Variants in ANKRD36 observed in about 807,000 individuals in gnomAD.
ANKRD36 encodes the protein ankyrin repeat domain 36, also known as ankyrin repeat domain-containing protein 36A.
A neutral mutation model predicts 278.1 loss-of-function variants in ANKRD36; 179 were observed. The ratio of observed to expected loss-of-function variants is 0.64; its 90% CI spans 0.57 to 0.73. The LOEUF (loss-of-function observed/expected upper bound fraction) is 0.73, where lower values mean the gene tolerates loss of function less well. ANKRD36 is among the 30% of genes least tolerant of loss of function. The probability of loss-of-function intolerance (pLI) is 0.00; values close to 1 mark genes in which losing one functional copy is unlikely to be tolerated. For missense variants in ANKRD36, 1,159 were observed against 1,956.7 expected, an observed-to-expected ratio of 0.59 and a Z score of 7.69; for synonymous variants, 320 against 641.1, an observed-to-expected ratio of 0.50 and a Z score of 7.57.
intron 12 of ANKRD36, among the ~76,000 whole-genome samples, chr2:97,150,874 T>G (rs2045761117): frequency 3.5e-5 from 1 of 28,600 alleles, no homozygotes; most frequent in East Asian, 1.2e-3. Context: ...ATTTTATTGT[T>G]TTTTTTTTTT....
chr2:97,180,025 C>A, intron 24 of ANKRD36, 92 bp downstream of exon 24: 1 of 1,562,490 alleles, frequency 6.4e-7, no homozygotes. Context: ...TCCATCTAAG[C>A]TGCACGTTCT....
At position 97,192,888 on chromosome 2, in the gene ANKRD36, TA is replaced by T. The variant is rs771233348; in HGVS notation, c.2376+4del. ...TCTCAGAAACCACCAGCCTTGACGG[TA>T]ATGAAACACTCATTTATATTGTGAA... is the stretch of plus-strand genomic sequence containing the variant. On this transcript the variant is annotated splice_donor_region_variant and intron_variant, in intron 37 of 75. Coordinates refer to ENST00000420699, the MANE Select transcript of ANKRD36 (RefSeq NM_001354587.1). 3 of 1,603,924 alleles carry T rather than the reference TA, an allele frequency of 1.9e-6. No individual in the cohort carries two copies. The highest frequency in any genetic ancestry group is 1.7e-5 in the Admixed American group (1 of 59,582).
Position 97,152,557 on chromosome 2 carries a change from A to C in ANKRD36, c.1193+23A>C, listed in dbSNP as rs1229319726. 6 of 1,464,318 alleles carry C rather than the reference A, an allele frequency of 4.1e-6. 1 individual carries two copies. Among genetic ancestry groups the C allele is most frequent in the Middle Eastern group, 1.7e-4 (1 of 5,944 alleles). The allele number at this position is 1,464,318 out of a possible 1,614,324, so 90.7% of individuals were successfully genotyped here. A position where few individuals can be genotyped will look rare whatever the true frequency, so the allele number is the denominator to read the frequency against. ...CAGGTATGATTTCAGAGATTTTTTA[A>C]AGTGATATGTTAACTAAGTGAATAG... On this transcript the variant is annotated intron_variant, in intron 14 of 75. Transcript: ENST00000420699.
intron 67 of ANKRD36, among the ~76,000 whole-genome samples, chr2:97,230,920 C>T (rs1334190284): frequency 7.2e-5 from 11 of 152,208 alleles, no homozygotes; most frequent in Admixed American, 7.2e-4. Flanking sequence ...ACCCTGTCTG[C>T]CTGGGTATCA....
intron 14 of ANKRD36, among the ~76,000 whole-genome samples, chr2:97,153,717 C>A (rs1255403785): frequency 6.8e-6 from 1 of 147,454 alleles, no homozygotes; most frequent in African/African-American, 2.4e-5. Flanking sequence ...ATTGAATGAG[C>A]TGTTGAACCC....
intron 24 of ANKRD36, among the ~76,000 whole-genome samples, chr2:97,180,905 A>G (rs1483704541): frequency 6.6e-6 from 1 of 151,648 alleles, no homozygotes; most frequent in Non-Finnish European, 1.5e-5. Flanking sequence ...GTATGTTAAC[A>G]TTGGTAATTG....
intron 5 of ANKRD36, among the ~76,000 whole-genome samples, chr2:97,125,595 C>T (rs1460069718): frequency 6.6e-6 from 1 of 150,932 alleles, no homozygotes; most frequent in Non-Finnish European, 1.5e-5. Context: ...GATCTGTACC[C>T]TGAGACTTTT....
chr2:97,190,341 C>T lies in ANKRD36; in HGVS notation c.2246-637C>T, dbSNP rs1360071977. ...TGCCACGACTGGATGAAGAAACTTT[C>T]GGAGGGATAAACTAGTGGATACAAG... On this transcript the variant is annotated intron_variant, in intron 34 of 75. Transcript: ENST00000420699. Among the ~76,000 whole-genome samples the T allele has an allele frequency of 1.7e-4, 15 of 88,998 alleles. 4 individuals carry two copies. Among genetic ancestry groups the T allele is most frequent in the African/African-American group, 2.9e-4 (11 of 38,432 alleles). The allele number at this position is 88,998 out of a possible 152,430, so 58.4% of individuals were successfully genotyped here. A position where few individuals can be genotyped will look rare whatever the true frequency, so the allele number is the denominator to read the frequency against.
chr2:97,208,413 G>C (rs1207829479), intron 54 of ANKRD36, among the ~76,000 whole-genome samples: 2 of 146,380 alleles, frequency 1.4e-5, no homozygotes, highest in Non-Finnish European at 3.0e-5. Flanking sequence ...GACACTGTGG[G>C]AGAACTAAGG....
At chr2:97,207,677 A>T in intron 52 of ANKRD36, 134 bp from the exon 53 acceptor site, 8 of 1,398,410 alleles carry the variant, frequency 5.7e-6, no homozygotes, top group Non-Finnish European at 7.9e-6. Context: ...TAGTCCCCAG[A>T]CACAAAGTAG....
chr2:97,178,645 A>G (rs900982536), intron 22 of ANKRD36, among the ~76,000 whole-genome samples: 2 of 132,134 alleles, frequency 1.5e-5, no homozygotes, highest in African/African-American at 5.6e-5. Flanking sequence ...ACATGGACAC[A>G]GGAAGGGGAA....
In ANKRD36 at chr2:97,152,169, T is replaced by A. The variant is rs1189684777; in HGVS notation, c.1162+230T>A. ...CACCACACCTGGCTAATTTTTGTATTTTTAGTGGATTTGGAGTTTCACCAT... is the reference window on the plus strand; with the variant it reads ...CACCACACCTGGCTAATTTTTGTATATTTAGTGGATTTGGAGTTTCACCAT... On this transcript the variant is annotated intron_variant, in intron 13 of 75. Transcript: ENST00000420699. Among the ~76,000 whole-genome samples the A allele has an allele frequency of 2.7e-5, 4 of 146,992 alleles. 1 individual carries two copies. The highest frequency in any genetic ancestry group is 6.2e-5 in the Non-Finnish European group (4 of 64,940).
intron 22 of ANKRD36, among the ~76,000 whole-genome samples, chr2:97,178,399 T>G (rs942503742): frequency 6.6e-6 from 1 of 151,944 alleles, no homozygotes; most frequent in South Asian, 2.1e-4. Context: ...TACGGCATTA[T>G]TCACAATAGC....
At chr2:97,137,249 C>T (rs1233324200) in intron 6 of ANKRD36, among the ~76,000 whole-genome samples, 2 of 151,866 alleles carry the variant, frequency 1.3e-5, no homozygotes, top group African/African-American at 4.8e-5. Flanking sequence ...TGGGTTCAAG[C>T]GATTCTCCTG....
At chr2:97,179,459 C>G (rs2055459357) in intron 22 of ANKRD36, among the ~76,000 whole-genome samples, 1 of 151,638 alleles carries the variant, frequency 6.6e-6, no homozygotes, top group East Asian at 1.9e-4. Flanking sequence ...AGCATATCCA[C>G]ATTGATATTG....
At chr2:97,218,559 GA>G (rs2066553062) in intron 64 of ANKRD36, among the ~76,000 whole-genome samples, 2 of 151,576 alleles carry the variant, frequency 1.3e-5, no homozygotes, top group Non-Finnish European at 2.9e-5. Context: ...GAAGACACGT[GA>G]AGTGTATGTT....
At chr2:97,139,841 T>G (rs1004935926) in intron 6 of ANKRD36, among the ~76,000 whole-genome samples, 3 of 151,990 alleles carry the variant, frequency 2.0e-5, no homozygotes, top group African/African-American at 7.2e-5. Flanking sequence ...ATGGTCAAAG[T>G]GTTACTTGTC....
intron 6 of ANKRD36, among the ~76,000 whole-genome samples, chr2:97,132,600 C>G (rs1351370426): frequency 6.6e-6 from 1 of 151,982 alleles, no homozygotes; most frequent in Non-Finnish European, 1.5e-5. Flanking sequence ...CAGGTCACAT[C>G]ACCTTAAAGA....
rs765519531 is a variant in ANKRD36 at position 97,187,403 on chromosome 2, T to C, written c.2143+2T>C. On this transcript the variant is annotated splice_donor_variant, in intron 32 of 75. Coordinates refer to ENST00000420699, the MANE Select transcript of ANKRD36 (RefSeq NM_001354587.1). LOFTEE classifies it high-confidence loss of function. ...AGGATGGAGAAAAATCTGGGACAGG[T>C]AATTTTGCAAAACACATTCAATGTC... The C allele has an allele frequency of 1.9e-6, 3 of 1,590,454 alleles. No homozygotes were observed. The highest frequency in any genetic ancestry group is 2.6e-6 in the Non-Finnish European group (3 of 1,169,300).
Sources: allele counts gnomAD v4.1 joint callset (sites outside exome capture counted in the v4.1 genomes callset), GRCh38; gene constraint gnomAD v4.1.1; transcripts MANE v1.5; gene names NCBI Gene and HGNC (gene_info 2026-07-23, HGNC 2026-07-21).